Variants in TENM3 observed in about 807,000 individuals in gnomAD.
TENM3 encodes teneurin transmembrane protein 3.
In TENM3, 63 loss-of-function variants were observed where a neutral mutation model predicts 255.1. The ratio of observed to expected loss-of-function variants is 0.25; its 90% CI spans 0.20 to 0.30. TENM3 has a LOEUF of 0.30. TENM3 is among the 10% of genes least tolerant of loss of function. The probability of loss-of-function intolerance (pLI) is 1.00; values close to 1 mark genes in which losing one functional copy is unlikely to be tolerated. For missense variants in TENM3, 2,929 were observed against 3,461.1 expected (o/e 0.85, Z 3.86); for synonymous variants, 1,306 against 1,322.3 (o/e 0.99, Z 0.27).
rs1209451983 is a variant in TENM3, at chr4:182,679,727, T to C, written c.1388T>C (p.Leu463Pro). 6.2e-7 allele frequency: 1 copy of C among 1,613,610 alleles called. No individual in the cohort carries two copies. The highest frequency in any genetic ancestry group is 8.5e-7 in the Non-Finnish European group (1 of 1,179,884). Residue 463 changes from leucine to proline, a missense_variant, in exon 8 of 28, where the codon CTT becomes CCT. Leu to Pro is a moderately conservative substitution (Grantham distance 98). This residue lies in a region of TENM3 where 1,608 missense variants were observed against 1,884.4 expected (regional missense o/e 0.85). Coordinates refer to ENST00000511685, the MANE Select transcript of TENM3 (RefSeq NM_001080477.4). Reference protein sequence around the residue: ...RLIAREQRSLLETERAGRQAR... With the variant: ...RLIAREQRSLPETERAGRQAR... ...ATTGCCAGAGAGCAGCGGAGCCTGCTTGAGACGGAGAGAGCCGGGCGGCAG... is the reference window on the plus strand; with the variant it reads ...ATTGCCAGAGAGCAGCGGAGCCTGCCTGAGACGGAGAGAGCCGGGCGGCAG...
the TENM3 span, among the ~76,000 whole-genome samples, chr4:181,878,045 G>C: frequency 5.3e-5 from 8 of 152,146 alleles, 1 homozygote; most frequent in Admixed American, 4.6e-4. Flanking sequence ...CATAAGGGCT[G>C]TCACTCACTG....
At chr4:182,279,761 A>G (rs1760251924) in intron 1 of TENM3, among the ~76,000 whole-genome samples, 2 of 152,056 alleles carry the variant, frequency 1.3e-5, no homozygotes, top group African/African-American at 2.4e-5. Flanking sequence ...TTTTCTCCAT[A>G]TGCTTTATAA....
rs764550690 is a variant in TENM3, at chr4:182,736,954, A to G, written c.3114A>G (p.Val1038=). ...ATTTAATGAAGGTTCATCTTATGGT[A>G]GCTGTAGTAGGAAGACTCTTCCAAA... ...PFNLMKVHLM[V]AVVGRLFQKW... is the part of the protein sequence containing the mutation. The change falls in exon 17 of 28, where the codon GTA becomes GTG. Residue 1038 remains valine (V), a synonymous_variant. Coordinates refer to ENST00000511685, the MANE Select transcript of TENM3 (RefSeq NM_001080477.4). 3.7e-6 allele frequency: 6 copies of G among 1,613,810 alleles called. No individual in the cohort carries two copies. In the African/African-American group the frequency reaches 8.0e-5, roughly 22 times the overall value.
At chr4:181,641,609 A>G in the TENM3 span, among the ~76,000 whole-genome samples, 328 of 81,152 alleles carry the variant, frequency 4.0e-3, 8 homozygotes, top group African/African-American at 0.012. Context: ...GTGTGTGTAT[A>G]TATATATATA....
chr4:182,223,269 CAT>C (rs1211033594), intron 1 of TENM3, among the ~76,000 whole-genome samples: 1 of 152,158 alleles, frequency 6.6e-6, no homozygotes, highest in African/African-American at 2.4e-5. Context: ...CAGTGAATCA[CAT>C]ATTTTCTCCT....
chr4:182,801,189 GAATT>G lies in TENM3; in HGVS notation c.*840_*843del, dbSNP rs1463064813. The G allele has an allele frequency of 9.2e-5, 14 of 152,690 alleles. No individual in the cohort carries two copies. The highest frequency in any genetic ancestry group is 3.1e-4 in the African/African-American group (13 of 41,540). The allele number at this position is 152,690 out of a possible 1,614,324, so 9.5% of individuals were successfully genotyped here. ...GTTATCTGTTATAGCTGTACAGTAT[GAATT>G]ATTATATTGTAGAGATATAACAACT... On this transcript the variant is annotated 3_prime_UTR_variant, in exon 28 of 28. Transcript: ENST00000511685.
the TENM3 span, among the ~76,000 whole-genome samples, chr4:181,623,569 G>A: frequency 1.3e-5 from 2 of 152,114 alleles, no homozygotes; most frequent in Admixed American, 6.5e-5. Flanking sequence ...CATGAAACTC[G>A]GCCTCTTTAT....
the TENM3 span, among the ~76,000 whole-genome samples, chr4:181,735,462 T>C: frequency 3.9e-5 from 6 of 152,354 alleles, no homozygotes; most frequent in South Asian, 1.0e-3. Flanking sequence ...TTTTAAAATA[T>C]ATAAACTTAC....
chr4:181,555,596 G>A, the TENM3 span, among the ~76,000 whole-genome samples: 1 of 152,146 alleles, frequency 6.6e-6, no homozygotes, highest in African/African-American at 2.4e-5. Flanking sequence ...AATCAACGTT[G>A]TAACAAGTAT....
At chr4:181,711,432 T>C in the TENM3 span, among the ~76,000 whole-genome samples, 2 of 152,192 alleles carry the variant, frequency 1.3e-5, no homozygotes, top group African/African-American at 4.8e-5. Context: ...CCCAAGTGTT[T>C]TAGAATTGAG....
chr4:181,615,096 G>C, the TENM3 span, among the ~76,000 whole-genome samples: 1 of 152,136 alleles, frequency 6.6e-6, no homozygotes, highest in Non-Finnish European at 1.5e-5. Context: ...CATCATTTGT[G>C]AACATTTGTA....
chr4:181,944,377 T>C, the TENM3 span, among the ~76,000 whole-genome samples: 1 of 149,548 alleles, frequency 6.7e-6, no homozygotes, highest in Non-Finnish European at 1.5e-5. Flanking sequence ...CTTCCCCTGC[T>C]TTTGTGTTCT....
At chr4:182,686,555 C>T (rs1561108548) in intron 11 of TENM3, among the ~76,000 whole-genome samples, 1 of 151,960 alleles carries the variant, frequency 6.6e-6, no homozygotes, top group African/African-American at 2.4e-5. Context: ...ACTTTACACC[C>T]GAAGAAACAT....
At chr4:181,746,721 C>T in the TENM3 span, among the ~76,000 whole-genome samples, 1 of 151,836 alleles carries the variant, frequency 6.6e-6, no homozygotes, top group East Asian at 1.9e-4. Flanking sequence ...ATCTATCATA[C>T]CTATCCCTTG....
the TENM3 span, among the ~76,000 whole-genome samples, chr4:182,073,975 C>T: frequency 0.025 from 3,809 of 152,214 alleles, 79 homozygotes; most frequent in South Asian, 0.05. Context: ...TGTGGCTGGC[C>T]TTTTCCAAAT....
chr4:182,702,776 C>T (rs924106739), intron 12 of TENM3, among the ~76,000 whole-genome samples: 56 of 151,024 alleles, frequency 3.7e-4, no homozygotes, highest in Middle Eastern at 3.4e-3. Flanking sequence ...CTGGCTCTGT[C>T]GCCCAGGCTG....
chr4:182,718,760 T>C (rs1759413275), intron 13 of TENM3, among the ~76,000 whole-genome samples: 1 of 152,174 alleles, frequency 6.6e-6, no homozygotes, highest in African/African-American at 2.4e-5. Context: ...AAGGCAGCTA[T>C]CTAATTCTCC....
chr4:182,016,219 G>A, the TENM3 span, among the ~76,000 whole-genome samples: 19 of 152,118 alleles, frequency 1.2e-4, no homozygotes, highest in African/African-American at 4.3e-4. Flanking sequence ...TTAATACCAT[G>A]CTCCTATTTG....
At chr4:182,179,476 T>C (rs966365622) in intron 1 of TENM3, among the ~76,000 whole-genome samples, 7 of 152,228 alleles carry the variant, frequency 4.6e-5, no homozygotes, top group African/African-American at 1.7e-4. Flanking sequence ...TGCTATATCC[T>C]TAAAGGCAAT....
Sources: gnomAD v4.1 joint callset for allele counts (sites outside exome capture counted in the v4.1 genomes callset) on GRCh38, gnomAD v4.1.1 for gene constraint, gnomAD v4.1.1 regional missense constraint, MANE v1.5 for transcripts, NCBI Gene and HGNC (gene_info 2026-07-23, HGNC 2026-07-21) for gene names.